Variants in MAF observed in about 807,000 individuals in gnomAD.
The protein encoded by MAF is transcription factor Maf.
Under a neutral mutation model 22.0 loss-of-function variants are expected in MAF, and 10 were observed. The ratio of observed to expected loss-of-function variants is 0.45; its 90% CI spans 0.28 to 0.77. The LOEUF (loss-of-function observed/expected upper bound fraction) is 0.77. Ranked by LOEUF, MAF falls within the 30% of genes least tolerant of loss-of-function variation. The pLI is 0.12. For missense variants in MAF, 544 were observed against 548.4 expected (o/e 0.99, Z 0.08); for synonymous variants, 337 against 255.8 (o/e 1.32, Z -3.03).
the MAF span, among the ~76,000 whole-genome samples, chr16:79,566,951 A>G: frequency 6.6e-6 from 1 of 152,374 alleles, no homozygotes. Context: ...GGCATTTTAT[A>G]GAGTCCTGGA....
the MAF span, among the ~76,000 whole-genome samples, chr16:79,454,412 G>T: frequency 6.6e-6 from 1 of 152,158 alleles, no homozygotes; most frequent in Admixed American, 6.5e-5. Context: ...TCCCTCAGGG[G>T]TTTACCAATA....
At chr16:79,328,390 T>C in the MAF span, among the ~76,000 whole-genome samples, 13,262 of 152,194 alleles carry the variant, frequency 0.087, 1,300 homozygotes, top group East Asian at 0.42. Context: ...CACTTGGTTG[T>C]GCTGGAGAGG....
At chr16:79,386,936 G>A in the MAF span, among the ~76,000 whole-genome samples, 2 of 152,196 alleles carry the variant, frequency 1.3e-5, no homozygotes, top group Admixed American at 1.3e-4. Context: ...ATTAACTGCT[G>A]TAAAAGCTCA....
chr16:79,516,366 G>T, the MAF span: 54 of 152,272 alleles, frequency 3.5e-4, no homozygotes, highest in African/African-American at 1.2e-3. Context: ...ACTTCCCATG[G>T]CGAAGGGGAA....
At chr16:79,370,874 T>C in the MAF span, among the ~76,000 whole-genome samples, 1 of 152,102 alleles carries the variant, frequency 6.6e-6, no homozygotes, top group Non-Finnish European at 1.5e-5. Context: ...CTCCAGCATA[T>C]TCACCGAACC....
chr16:79,464,284 T>C, the MAF span, among the ~76,000 whole-genome samples: 1 of 152,028 alleles, frequency 6.6e-6, no homozygotes, highest in Admixed American at 6.6e-5. Context: ...GCATGAAGTG[T>C]GCGTAGATCT....
the MAF span, among the ~76,000 whole-genome samples, chr16:79,306,927 A>T: frequency 6.6e-6 from 1 of 152,194 alleles, no homozygotes; most frequent in South Asian, 2.1e-4. Context: ...ATTTTGTGAA[A>T]AAGCACTTAA....
chr16:79,229,813 G>C, the MAF span, among the ~76,000 whole-genome samples: 4 of 152,032 alleles, frequency 2.6e-5, no homozygotes, highest in African/African-American at 9.7e-5. Context: ...TCCTAACCTA[G>C]TGGTGAGAGG....
chr16:79,279,242 C>T, the MAF span, among the ~76,000 whole-genome samples: 5 of 152,144 alleles, frequency 3.3e-5, no homozygotes, highest in African/African-American at 9.7e-5. Flanking sequence ...CATGTGGGGT[C>T]CTAGTCAGCT....
At chr16:79,420,631 C>T in the MAF span, among the ~76,000 whole-genome samples, 1 of 152,206 alleles carries the variant, frequency 6.6e-6, no homozygotes, top group African/African-American at 2.4e-5. Flanking sequence ...CATCAGGGTT[C>T]ACTTTAGCTG....
At chr16:79,316,990 C>T in the MAF span, among the ~76,000 whole-genome samples, 1 of 152,124 alleles carries the variant, frequency 6.6e-6, no homozygotes, top group South Asian at 2.1e-4. Flanking sequence ...AGAAAACAGG[C>T]TTAGAGAAAT....
chr16:79,246,409 C>A, the MAF span, among the ~76,000 whole-genome samples: 1 of 151,988 alleles, frequency 6.6e-6, no homozygotes, highest in African/African-American at 2.4e-5. Context: ...ATCTGGCTAT[C>A]TTTCTTATTT....
At chr16:79,535,588 T>TC in the MAF span, among the ~76,000 whole-genome samples, 5 of 146,044 alleles carry the variant, frequency 3.4e-5, no homozygotes, top group African/African-American at 1.0e-4. Context: ...TGCTTCTTCT[T>TC]TTTTTTTTTT....
the MAF span, among the ~76,000 whole-genome samples, chr16:79,256,737 T>C: frequency 5.3e-5 from 8 of 152,320 alleles, no homozygotes; most frequent in Non-Finnish European, 1.0e-4. Context: ...AACTGTGAGA[T>C]GCATGATGCT....
chr16:79,318,270 T>A, the MAF span, among the ~76,000 whole-genome samples: 1 of 152,212 alleles, frequency 6.6e-6, no homozygotes, highest in African/African-American at 2.4e-5. Context: ...TGCAGGGCTC[T>A]GCTTGAGAGC....
chr16:79,403,932 T>C, the MAF span, among the ~76,000 whole-genome samples: 1 of 152,160 alleles, frequency 6.6e-6, no homozygotes, highest in African/African-American at 2.4e-5. Context: ...GCTTCTCTCC[T>C]GGAAAAGTTG....
chr16:79,377,518 G>A, the MAF span, among the ~76,000 whole-genome samples: 1 of 152,170 alleles, frequency 6.6e-6, no homozygotes, highest in African/African-American at 2.4e-5. Context: ...CTGTGCAGGA[G>A]CTCTTTCGTT....
chr16:79,238,058 C>A, the MAF span, among the ~76,000 whole-genome samples: 144 of 152,222 alleles, frequency 9.5e-4, no homozygotes, highest in African/African-American at 3.4e-3. Flanking sequence ...TCTCCTCTCA[C>A]CCAGGCATGC....
the MAF span, among the ~76,000 whole-genome samples, chr16:79,576,759 C>A: frequency 6.6e-6 from 1 of 152,120 alleles, no homozygotes; most frequent in African/African-American, 2.4e-5. Flanking sequence ...GAGTGTTTAC[C>A]CTGTGCCAGG....
Sources: allele counts gnomAD v4.1 joint callset (sites outside exome capture counted in the v4.1 genomes callset), GRCh38; gene constraint gnomAD v4.1.1; transcripts MANE v1.5; gene names NCBI Gene and HGNC (gene_info 2026-07-23, HGNC 2026-07-21).